SHC4: variants seen among roughly 807,000 people sequenced by gnomAD.
The protein encoded by SHC4 is SHC adaptor protein 4.
Under a neutral mutation model 69.4 loss-of-function variants are expected in SHC4, and 41 were observed. The ratio of observed to expected loss-of-function variants is 0.59; its 90% CI spans 0.46 to 0.77. The LOEUF is 0.77. Among genes scored for constraint, SHC4 ranks in the 30% least tolerant of loss-of-function variants. The pLI is 0.00. For synonymous variants in SHC4, 318 were observed against 299.3 expected, an observed-to-expected ratio of 1.06 and a Z score of -0.64; for missense variants, 777 against 783.8, an observed-to-expected ratio of 0.99 and a Z score of 0.10.
chr15:48,866,828 G>T (rs921616861), intron 6 of SHC4, among the ~76,000 whole-genome samples: 17 of 152,186 alleles, frequency 1.1e-4, no homozygotes, highest in African/African-American at 4.1e-4. Flanking sequence ...AGCAGAGGAT[G>T]TGGCCCAACC....
intron 2 of SHC4, among the ~76,000 whole-genome samples, chr15:48,922,900 G>A (rs1900775988): frequency 1.3e-5 from 2 of 152,196 alleles, no homozygotes; most frequent in South Asian, 2.1e-4. Flanking sequence ...AAGAGTAATT[G>A]AAGGCACTGA....
intron 1 of SHC4, among the ~76,000 whole-genome samples, chr15:48,939,468 C>A (rs4462535): frequency 0.79 from 120,321 of 152,188 alleles, 47,971 homozygotes; most frequent in East Asian, 0.93. Flanking sequence ...AGGGATATGG[C>A]TGAGATATCA....
At chr15:48,899,293 C>A in intron 2 of SHC4, among the ~76,000 whole-genome samples, 1 of 152,020 alleles carries the variant, frequency 6.6e-6, no homozygotes, top group East Asian at 1.9e-4. Context: ...ATCGTGAAAC[C>A]CCATCTCTAG....
chr15:48,855,489 G>C (rs1312453830), intron 8 of SHC4, among the ~76,000 whole-genome samples: 1 of 152,088 alleles, frequency 6.6e-6, no homozygotes, highest in East Asian at 1.9e-4. Flanking sequence ...TATTAGGTTG[G>C]GTTGAGGGAG....
intron 4 of SHC4, among the ~76,000 whole-genome samples, chr15:48,876,214 C>T (rs913259191): frequency 6.6e-6 from 1 of 152,122 alleles, no homozygotes; most frequent in Non-Finnish European, 1.5e-5. Context: ...TTCAACTTGG[C>T]AGATAAGGTG....
chr15:48,877,493 C>CACAAAATAGTATTTTGCTGTCAATACAT, intron 4 of SHC4: 1 of 984,180 alleles, frequency 1.0e-6, no homozygotes, highest in Non-Finnish European at 1.2e-6. Flanking sequence ...TTAAAAAACA[C>CACAAAATAGTATTTTGCTGTCAATACAT]ACAAAATAGT....
chr15:48,861,373 T>C (rs1899438914), intron 6 of SHC4, among the ~76,000 whole-genome samples: 1 of 152,244 alleles, frequency 6.6e-6, no homozygotes, highest in South Asian at 2.1e-4. Flanking sequence ...CTGCCCAGTC[T>C]CACCACCTTC....
In SHC4 at chr15:48,907,354, C is replaced by T. The variant is rs143028109; in HGVS notation, c.657-16543G>A. ...ATTCTCCCCTCAGCCTTCCCAGTAG[C>T]TGAGATTACAGGCATGCACCATCAT... On this transcript the variant is annotated intron_variant, in intron 2 of 11. Coordinates refer to ENST00000332408, the MANE Select transcript of SHC4 (RefSeq NM_203349.4). Among the ~76,000 whole-genome samples, 333 of 151,938 alleles carry T rather than the reference C, an allele frequency of 2.2e-3. 1 individual carries two copies. The highest frequency in any genetic ancestry group is 7.7e-3 in the African/African-American group (318 of 41,412).
In SHC4 at chr15:48,869,262, C is replaced by A. The variant is rs943885304; in HGVS notation, c.895-1393G>T. The stretch of plus-strand genomic sequence containing the variant: ...TACCAACAACTGTTTTCAGGGCTGA[C>A]GGATGGAAAACAACTGTTTTTGCAA... On this transcript the variant is annotated intron_variant, in intron 5 of 11. Coordinates refer to ENST00000332408, the MANE Select transcript of SHC4 (RefSeq NM_203349.4). Among the ~76,000 whole-genome samples, 4 of 152,058 alleles carry A rather than the reference C, an allele frequency of 2.6e-5. No individual in the cohort carries two copies. In the East Asian group the frequency reaches 7.7e-4, roughly 29 times the overall value.
chr15:48,937,857 C>T (rs750128070), intron 1 of SHC4, among the ~76,000 whole-genome samples: 13 of 152,264 alleles, frequency 8.5e-5, no homozygotes, highest in East Asian at 5.8e-4. Flanking sequence ...CTTTGTACAA[C>T]GGTGAATTCT....
At chr15:48,904,940 A>AACACACACACACAC (rs71650107) in intron 2 of SHC4, among the ~76,000 whole-genome samples, 1 of 144,694 alleles carries the variant, frequency 6.9e-6, no homozygotes, top group Non-Finnish European at 1.5e-5. Context: ...ACACAGACAC[A>AACACACACACACAC]ACACACACAC....
At position 48,843,435 on chromosome 15, in the gene SHC4, G is replaced by A; in HGVS notation, c.1457C>T (p.Pro486Leu). The A allele has an allele frequency of 6.2e-7, 1 of 1,613,732 alleles. No individual in the cohort carries two copies. Among genetic ancestry groups the A allele is most frequent in the South Asian group, 1.1e-5 (1 of 91,036 alleles). ...GSAGNQRSAQ[P>L]LGSPWHCGKA... The stretch of plus-strand genomic sequence containing the variant: ...TCCGCAGTGCCATGGGCTCCCCAGT[G>A]GTTGGGCTGACCTTTGATTTCCAGC... The change falls in exon 10 of 12, where the codon CCA becomes CTA. Residue 486 changes from proline to leucine, a missense_variant. Pro to Leu is a moderately conservative substitution (Grantham distance 98, BLOSUM62 -3). Transcript: ENST00000332408.
At chr15:48,860,083 C>G (rs900179354) in intron 6 of SHC4, among the ~76,000 whole-genome samples, 2 of 152,064 alleles carry the variant, frequency 1.3e-5, no homozygotes, top group African/African-American at 4.8e-5. Flanking sequence ...AGAGAGCTTA[C>G]ATAATATCAA....
chr15:48,904,940 A>AACACACACACAC (rs71650107), intron 2 of SHC4, among the ~76,000 whole-genome samples: 1 of 144,694 alleles, frequency 6.9e-6, no homozygotes, highest in African/African-American at 2.6e-5. Context: ...ACACAGACAC[A>AACACACACACAC]ACACACACAC....
intron 6 of SHC4, among the ~76,000 whole-genome samples, chr15:48,866,246 T>C (rs1429964811): frequency 6.6e-6 from 1 of 152,212 alleles, no homozygotes; most frequent in East Asian, 1.9e-4. Context: ...TGTTCCTACA[T>C]TCCCACTGCC....
At chr15:48,869,252 T>C (rs1287258128) in intron 5 of SHC4, among the ~76,000 whole-genome samples, 2 of 152,216 alleles carry the variant, frequency 1.3e-5, no homozygotes, top group African/African-American at 2.4e-5. Flanking sequence ...ACAACTGTTT[T>C]CAGGGCTGAC....
At chr15:48,927,415 G>A (rs574795267) in intron 1 of SHC4, among the ~76,000 whole-genome samples, 10 of 152,236 alleles carry the variant, frequency 6.6e-5, no homozygotes, top group African/African-American at 1.9e-4. Context: ...GTAAATCACC[G>A]ATTGAAGACA....
chr15:48,856,707 A>G (rs1899322741), intron 7 of SHC4, among the ~76,000 whole-genome samples: 1 of 151,834 alleles, frequency 6.6e-6, no homozygotes, highest in South Asian at 2.1e-4. Context: ...TGTTTTTAAA[A>G]TTGAAACAGG....
At chr15:48,891,365 A>G (rs1191244446) in intron 2 of SHC4, among the ~76,000 whole-genome samples, 1 of 152,212 alleles carries the variant, frequency 6.6e-6, no homozygotes, top group African/African-American at 2.4e-5. Context: ...ATTTCACAGA[A>G]GAAAAGAAAT....
Sources: gnomAD v4.1 joint callset for allele counts (sites outside exome capture counted in the v4.1 genomes callset) on GRCh38, gnomAD v4.1.1 for gene constraint, MANE v1.5 for transcripts, NCBI Gene and HGNC (gene_info 2026-07-23, HGNC 2026-07-21) for gene names.